AMPH: variants seen among roughly 807,000 people sequenced by gnomAD.
AMPH encodes amphiphysin.
In AMPH, 49 loss-of-function variants were observed where a neutral mutation model predicts 99.1. That is an observed-to-expected ratio of 0.49 (90% CI 0.39 to 0.63). The LOEUF (loss-of-function observed/expected upper bound fraction) is 0.63. Among genes scored for constraint, AMPH ranks in the 20% least tolerant of loss-of-function variants. AMPH has a pLI of 0.00. For missense variants in AMPH, 759 were observed against 863.4 expected (o/e 0.88, Z 1.52); for synonymous variants, 314 against 317.3 (o/e 0.99, Z 0.11).
At chr7:38,630,427 T>C (rs966238783) in intron 1 of AMPH, among the ~76,000 whole-genome samples, 1 of 152,152 alleles carries the variant, frequency 6.6e-6, no homozygotes, top group East Asian at 1.9e-4. Flanking sequence ...GTTTCATTCA[T>C]GCACGTCTCT....
At chr7:38,575,472 G>A (rs943413585) in intron 1 of AMPH, among the ~76,000 whole-genome samples, 9 of 152,238 alleles carry the variant, frequency 5.9e-5, no homozygotes, top group African/African-American at 2.2e-4. Flanking sequence ...GACCACATGG[G>A]AGGTGATTAC....
At chr7:38,576,933 G>C (rs1165378495) in intron 1 of AMPH, among the ~76,000 whole-genome samples, 1 of 152,048 alleles carries the variant, frequency 6.6e-6, no homozygotes, top group African/African-American at 2.4e-5. Context: ...GGGCTGTTCC[G>C]AGAAACCAAA....
chr7:38,389,769 C>T (rs6977263), intron 20 of AMPH, 35 bp downstream of exon 20: 343,757 of 1,521,902 alleles, frequency 0.23, 41,405 homozygotes, highest in Middle Eastern at 0.29. Context: ...AAAAAATCAA[C>T]GTAGCCCAAA....
intron 1 of AMPH, among the ~76,000 whole-genome samples, chr7:38,544,202 A>T (rs945934347): frequency 2.9e-4 from 44 of 152,218 alleles, no homozygotes; most frequent in African/African-American, 1.0e-3. Flanking sequence ...ACTATATGAC[A>T]TCATCTCCCT....
intron 14 of AMPH, chr7:38,429,229 C>T: frequency 7.8e-7 from 1 of 1,287,904 alleles, no homozygotes; most frequent in Non-Finnish European, 1.0e-6. Context: ...ACACAAGCAG[C>T]AATGGCAACT....
intron 2 of AMPH, among the ~76,000 whole-genome samples, chr7:38,512,609 C>A (rs533348697): frequency 1.3e-5 from 2 of 152,122 alleles, no homozygotes; most frequent in Admixed American, 6.5e-5. Context: ...CAGAATAGGA[C>A]AGATAAAAGG....
intron 11 of AMPH, among the ~76,000 whole-genome samples, chr7:38,459,810 A>C (rs2129007436): frequency 6.6e-6 from 1 of 152,188 alleles, no homozygotes; most frequent in Non-Finnish European, 1.5e-5. Flanking sequence ...AGACCTCAAA[A>C]GCACAGATAA....
chr7:38,495,266 A>G (rs370978209), intron 3 of AMPH, among the ~76,000 whole-genome samples: 12 of 152,324 alleles, frequency 7.9e-5, no homozygotes, highest in Admixed American at 3.9e-4. Context: ...AAAACTTCTA[A>G]CTAAATGTCA....
intron 1 of AMPH, among the ~76,000 whole-genome samples, chr7:38,555,081 T>C (rs1209794743): frequency 6.6e-6 from 1 of 152,126 alleles, no homozygotes; most frequent in Non-Finnish European, 1.5e-5. Flanking sequence ...GAGCACAACT[T>C]GGCCATGGCA....
intron 1 of AMPH, among the ~76,000 whole-genome samples, chr7:38,556,620 T>A (rs927663973): frequency 1.3e-5 from 2 of 152,190 alleles, no homozygotes; most frequent in African/African-American, 4.8e-5. Flanking sequence ...AGAAAGCACA[T>A]CATTCACACC....
intron 2 of AMPH, among the ~76,000 whole-genome samples, chr7:38,517,065 C>T (rs186172207): frequency 3.4e-4 from 52 of 152,248 alleles, no homozygotes; most frequent in African/African-American, 1.1e-3. Context: ...GTGGAAGGGT[C>T]TTGCTTTGTC....
intron 11 of AMPH, among the ~76,000 whole-genome samples, chr7:38,450,893 C>CTTT (rs1161257005): frequency 2.8e-5 from 4 of 144,364 alleles, no homozygotes; most frequent in African/African-American, 7.6e-5. Context: ...AAAACACTTT[C>CTTT]TTTTTTTTTT....
intron 2 of AMPH, among the ~76,000 whole-genome samples, chr7:38,509,059 C>A (rs1789439907): frequency 6.6e-6 from 1 of 152,140 alleles, no homozygotes; most frequent in Admixed American, 6.5e-5. Flanking sequence ...GTAAAAGCGC[C>A]CAGGGTCTCT....
At chr7:38,404,856 G>A (rs1446474884) in intron 17 of AMPH, among the ~76,000 whole-genome samples, 1 of 152,062 alleles carries the variant, frequency 6.6e-6, no homozygotes, top group Non-Finnish European at 1.5e-5. Context: ...AAAACTCAGA[G>A]AACATCTGGG....
At chr7:38,623,732 A>G (rs1009957229) in intron 1 of AMPH, among the ~76,000 whole-genome samples, 3 of 152,212 alleles carry the variant, frequency 2.0e-5, no homozygotes, top group African/African-American at 4.8e-5. Flanking sequence ...TCCTTTGCCC[A>G]TTCTTTTTAT....
At chr7:38,499,167 C>T (rs545987562) in intron 3 of AMPH, among the ~76,000 whole-genome samples, 2 of 152,296 alleles carry the variant, frequency 1.3e-5, no homozygotes, top group East Asian at 1.9e-4. Flanking sequence ...ATACATATTA[C>T]TATGCCTATC....
chr7:38,463,005 G>A lies in AMPH; in HGVS notation c.858C>T (p.Pro286=), dbSNP rs372756485. ...AAGGTGACCGAGGCCGTGCTGGTGC[G>A]GGAGACGCAGGTGCTAATGTATGAT... ...SPNHTLAPAS[P]APARPRSPSQ... Residue 286 remains proline, a synonymous_variant, in exon 10 of 21, where the codon CCC becomes CCT. Coordinates refer to ENST00000356264, the MANE Select transcript of AMPH (RefSeq NM_001635.4). The A allele has an allele frequency of 1.3e-5, 21 of 1,598,176 alleles. No homozygotes were observed. Among genetic ancestry groups the A allele is most frequent in the South Asian group, 4.5e-5 (4 of 88,356 alleles).
chr7:38,562,226 C>G (rs1188460054), intron 1 of AMPH, among the ~76,000 whole-genome samples: 2 of 152,286 alleles, frequency 1.3e-5, no homozygotes, highest in African/African-American at 4.8e-5. Flanking sequence ...TAATCCTAAG[C>G]AAAACACATT....
At chr7:38,515,186 G>A (rs950868092) in intron 2 of AMPH, among the ~76,000 whole-genome samples, 1 of 152,196 alleles carries the variant, frequency 6.6e-6, no homozygotes, top group Admixed American at 6.5e-5. Context: ...GACCTTAGCT[G>A]AGTTGTGTCC....
Sources: gnomAD v4.1 joint callset for allele counts (sites outside exome capture counted in the v4.1 genomes callset) on GRCh38, gnomAD v4.1.1 for gene constraint, MANE v1.5 for transcripts, NCBI Gene and HGNC (gene_info 2026-07-23, HGNC 2026-07-21) for gene names.